The following SYNE1 variants were observed in gnomAD, a reference collection of about 807,000 sequenced individuals.
The protein encoded by SYNE1 is spectrin repeat containing nuclear envelope protein 1.
In SYNE1, 616 loss-of-function variants were observed where a neutral mutation model predicts 1,111.0. The observed-to-expected ratio is 0.55, with a 90% confidence interval of 0.52 to 0.59. The LOEUF (loss-of-function observed/expected upper bound fraction) is 0.59. Among genes scored for constraint, SYNE1 ranks in the 20% least tolerant of loss-of-function variants. The probability of loss-of-function intolerance (pLI) is 0.00; values close to 1 mark genes in which losing one functional copy is unlikely to be tolerated. For synonymous variants in SYNE1, 3,855 were observed against 3,825.8 expected (o/e 1.01, Z -0.28); for missense variants, 10,006 against 10,417.0 (o/e 0.96, Z 1.72).
At chr6:152,551,248 C>T (rs2099345431) in intron 3 of SYNE1, among the ~76,000 whole-genome samples, 1 of 152,142 alleles carries the variant, frequency 6.6e-6, no homozygotes, top group East Asian at 1.9e-4. Flanking sequence ...GCCACGTACA[C>T]AGAGAAGACC....
rs143573009 is a variant in SYNE1 at position 152,291,466 on chromosome 6, A to G, written c.18012+2122T>C. On this transcript the variant is annotated intron_variant, in intron 95 of 145. Transcript: ENST00000367255. The stretch of plus-strand genomic sequence containing the variant: ...AAGAAAAGTCACAGATTCACTTCTA[A>G]TTTATAATTATCAGAATTAATGTGC... 5.4e-3 allele frequency among the ~76,000 whole-genome samples: 818 copies of G among 152,172 alleles called. 3 individuals are homozygous for G. The highest frequency in any genetic ancestry group is 0.018 in the African/African-American group (752 of 41,516).
chr6:152,457,725 C>T (rs1023300833), intron 22 of SYNE1, among the ~76,000 whole-genome samples: 2 of 151,718 alleles, frequency 1.3e-5, no homozygotes, highest in Non-Finnish European at 2.9e-5. Context: ...AAATATATAT[C>T]AAATTATCTG....
At chr6:152,368,944 C>T in intron 61 of SYNE1, 28 bp downstream of exon 61, 2 of 1,614,052 alleles carry the variant, frequency 1.2e-6, no homozygotes, top group South Asian at 1.1e-5. Flanking sequence ...CAGTATCACA[C>T]TCACACACAG....
intron 3 of SYNE1, among the ~76,000 whole-genome samples, chr6:152,574,731 C>T (rs2099489519): frequency 6.6e-6 from 1 of 152,132 alleles, no homozygotes; most frequent in Non-Finnish European, 1.5e-5. Flanking sequence ...TTTGAAGTAA[C>T]TAAGGTAATC....
At chr6:152,543,690 T>C (rs1341687790) in intron 3 of SYNE1, among the ~76,000 whole-genome samples, 1 of 152,230 alleles carries the variant, frequency 6.6e-6, no homozygotes, top group Non-Finnish European at 1.5e-5. Context: ...AGTAGTGCCA[T>C]AAGATTATAA....
intron 16 of SYNE1, among the ~76,000 whole-genome samples, chr6:152,466,422 C>T (rs2098768313): frequency 6.6e-6 from 1 of 152,194 alleles, no homozygotes. Flanking sequence ...AAGTGTCCCA[C>T]TGTGTCTCAG....
intron 3 of SYNE1, among the ~76,000 whole-genome samples, chr6:152,595,430 C>A (rs1476262758): frequency 6.6e-6 from 1 of 152,180 alleles, no homozygotes; most frequent in East Asian, 1.9e-4. Flanking sequence ...ATGCCTTCCC[C>A]GCTTTCAAGG....
intron 139 of SYNE1, among the ~76,000 whole-genome samples, chr6:152,140,815 C>T (rs1041882462): frequency 2.6e-5 from 4 of 151,876 alleles, no homozygotes; most frequent in Admixed American, 1.3e-4. Context: ...GGGTGGATCA[C>T]GAGGTCAGGA....
At chr6:152,269,421 T>TTA in intron 98 of SYNE1, 135 bp from the exon 99 acceptor site, 3 of 1,214,406 alleles carry the variant, frequency 2.5e-6, no homozygotes, top group East Asian at 2.4e-5. Context: ...CCACATTTTT[T>TTA]AAAAAAAACA....
intron 7 of SYNE1, among the ~76,000 whole-genome samples, chr6:152,510,652 A>T (rs2099080447): frequency 6.6e-6 from 1 of 152,160 alleles, no homozygotes; most frequent in Non-Finnish European, 1.5e-5. Flanking sequence ...ATAGAATGGC[A>T]AGTTCATTCC....
intron 128 of SYNE1, among the ~76,000 whole-genome samples, chr6:152,185,978 T>TTTTACACTA (rs2069744428): frequency 6.6e-6 from 1 of 152,210 alleles, no homozygotes; most frequent in South Asian, 2.1e-4. Flanking sequence ...AACGTAAGTA[T>TTTTACACTA]GAGGAAATAG....
intron 8 of SYNE1, 64 bp from the exon 9 acceptor site, chr6:152,505,461 G>A: frequency 5.8e-6 from 9 of 1,541,336 alleles, no homozygotes; most frequent in South Asian, 4.5e-5. Context: ...TTTCTTCAAG[G>A]CCTCATGCAA....
chr6:152,562,443 G>A (rs1387206575), intron 3 of SYNE1, among the ~76,000 whole-genome samples: 1 of 152,082 alleles, frequency 6.6e-6, no homozygotes, highest in Non-Finnish European at 1.5e-5. Flanking sequence ...GGACATTGTT[G>A]GTGAGAATGT....
intron 3 of SYNE1, among the ~76,000 whole-genome samples, chr6:152,578,816 C>A (rs1160154286): frequency 6.6e-6 from 1 of 152,038 alleles, no homozygotes; most frequent in East Asian, 1.9e-4. Flanking sequence ...TTTTATATGA[C>A]TGTCACTTCT....
At chr6:152,512,533 T>A (rs2099090269) in intron 6 of SYNE1, among the ~76,000 whole-genome samples, 2 of 152,194 alleles carry the variant, frequency 1.3e-5, no homozygotes, top group Admixed American at 6.5e-5. Context: ...TCCATAAGAT[T>A]AATGAATTTC....
At chr6:152,211,746 A>G (rs182966241) in intron 123 of SYNE1, among the ~76,000 whole-genome samples, 158 bp from the exon 124 acceptor site, 5 of 152,318 alleles carry the variant, frequency 3.3e-5, no homozygotes, top group African/African-American at 9.6e-5. Context: ...GGAATCATTT[A>G]TTTTTAAATC....
chr6:152,446,507 TG>T (rs1481344621), intron 29 of SYNE1, among the ~76,000 whole-genome samples: 1 of 152,160 alleles, frequency 6.6e-6, no homozygotes, highest in Non-Finnish European at 1.5e-5. Flanking sequence ...CAGATTTAAA[TG>T]GATTAAAAAC....
intron 3 of SYNE1, among the ~76,000 whole-genome samples, chr6:152,609,219 A>G (rs550558098): frequency 6.6e-6 from 1 of 152,176 alleles, no homozygotes; most frequent in South Asian, 2.1e-4. Flanking sequence ...TTTCTTAGCC[A>G]AGGGAAGCCG....
intron 55 of SYNE1, among the ~76,000 whole-genome samples, chr6:152,384,205 G>A (rs1209797463): frequency 1.3e-5 from 2 of 152,184 alleles, no homozygotes; most frequent in Non-Finnish European, 2.9e-5. Context: ...GACAGACACG[G>A]CTAGAAAGCC....
Sources: gnomAD v4.1 joint callset for allele counts (sites outside exome capture counted in the v4.1 genomes callset) on GRCh38, gnomAD v4.1.1 for gene constraint, MANE v1.5 for transcripts, NCBI Gene and HGNC (gene_info 2026-07-23, HGNC 2026-07-21) for gene names.